The following GRID2 variants were observed in gnomAD, a reference collection of about 807,000 sequenced individuals.
GRID2 encodes the protein glutamate ionotropic receptor delta type subunit 2, also known as glutamate receptor ionotropic, delta-2.
In GRID2, 33 loss-of-function variants were observed where a neutral mutation model predicts 114.8. That is an observed-to-expected ratio of 0.29 (90% CI 0.22 to 0.38). The LOEUF (loss-of-function observed/expected upper bound fraction) is 0.38. Ranked by LOEUF, GRID2 falls within the 10% of genes least tolerant of loss-of-function variation. The pLI, the probability that GRID2 is intolerant of heterozygous loss-of-function variation, is 1.00. For synonymous variants in GRID2, 505 were observed against 449.9 expected, an observed-to-expected ratio of 1.12 and a Z score of -1.55; for missense variants, 1,184 against 1,257.7, an observed-to-expected ratio of 0.94 and a Z score of 0.89.
chr4:92,469,252 G>C (rs567124088), intron 1 of GRID2, among the ~76,000 whole-genome samples: 1 of 151,848 alleles, frequency 6.6e-6, no homozygotes, highest in Non-Finnish European at 1.5e-5. Flanking sequence ...TTTGTTTTTC[G>C]TTAAAAGATA....
At chr4:92,870,211 CA>C (rs563556616) in intron 2 of GRID2, among the ~76,000 whole-genome samples, 118 of 150,514 alleles carry the variant, frequency 7.8e-4, no homozygotes, top group Middle Eastern at 3.4e-3. Context: ...TAAAAAAGAA[CA>C]AAAAAACCAT....
chr4:93,000,914 CAA>C (rs1408486035), intron 2 of GRID2, among the ~76,000 whole-genome samples: 3 of 150,930 alleles, frequency 2.0e-5, no homozygotes, highest in Admixed American at 6.6e-5. Context: ...ACCCATGTAA[CAA>C]ACCATGTAAC....
chr4:92,519,054 G>A (rs1245066855), intron 1 of GRID2, among the ~76,000 whole-genome samples: 1 of 151,816 alleles, frequency 6.6e-6, no homozygotes, highest in Non-Finnish European at 1.5e-5. Context: ...AACTATGATA[G>A]TATGTCATAG....
intron 4 of GRID2, among the ~76,000 whole-genome samples, chr4:93,178,410 T>TTC (rs1491139901): frequency 2.2e-5 from 3 of 135,118 alleles, no homozygotes; most frequent in African/African-American, 9.7e-5. Flanking sequence ...TTTTTTTTTT[T>TTC]CCAGAGAGAG....
At chr4:93,437,274 G>C (rs895443982) in intron 10 of GRID2, among the ~76,000 whole-genome samples, 1 of 152,094 alleles carries the variant, frequency 6.6e-6, no homozygotes, top group African/African-American at 2.4e-5. Flanking sequence ...ACAGAGAGAG[G>C]TGAAGTAACT....
At chr4:93,251,697 C>T (rs887829777) in intron 8 of GRID2, among the ~76,000 whole-genome samples, 2 of 152,062 alleles carry the variant, frequency 1.3e-5, no homozygotes, top group Non-Finnish European at 2.9e-5. Context: ...CAGTATGTGT[C>T]GTTCCCCTCT....
chr4:92,371,919 C>T (rs2110219740), intron 1 of GRID2, among the ~76,000 whole-genome samples: 1 of 152,184 alleles, frequency 6.6e-6, no homozygotes, highest in East Asian at 1.9e-4. Flanking sequence ...ATCAAAATAT[C>T]CACATTAACA....
At chr4:92,802,808 T>C (rs1314637185) in intron 2 of GRID2, among the ~76,000 whole-genome samples, 2 of 151,978 alleles carry the variant, frequency 1.3e-5, no homozygotes. Flanking sequence ...GATATGTTGC[T>C]GATTGTGTTA....
intron 2 of GRID2, among the ~76,000 whole-genome samples, chr4:92,914,537 ATTAG>A (rs1560694973): frequency 6.6e-6 from 1 of 152,104 alleles, no homozygotes; most frequent in Non-Finnish European, 1.5e-5. Context: ...CCTAGTAATC[ATTAG>A]TTACTTTTCC....
chr4:93,127,658 A>G (rs1221020473), intron 4 of GRID2, among the ~76,000 whole-genome samples: 1 of 152,118 alleles, frequency 6.6e-6, no homozygotes, highest in Non-Finnish European at 1.5e-5. Context: ...AAGTAGTTTC[A>G]GGTCACACAG....
intron 4 of GRID2, among the ~76,000 whole-genome samples, chr4:93,163,307 CAGTA>C (rs1397454099): frequency 7.1e-6 from 1 of 141,288 alleles, no homozygotes; most frequent in Non-Finnish European, 1.5e-5. Flanking sequence ...TATCTCAAGA[CAGTA>C]AGATTATAAA....
intron 1 of GRID2, among the ~76,000 whole-genome samples, chr4:92,368,016 G>A (rs757291165): frequency 5.3e-5 from 8 of 152,196 alleles, no homozygotes; most frequent in South Asian, 2.1e-4. Context: ...AGAAAGAAGC[G>A]ATAGTAGCCT....
chr4:93,774,921 A>T (rs1041488751), downstream of GRID2, among the ~76,000 whole-genome samples: 2 of 152,152 alleles, frequency 1.3e-5, no homozygotes, highest in Non-Finnish European at 2.9e-5. Flanking sequence ...AATAAGAAAG[A>T]CAAGAAAATT....
chr4:92,578,387 C>A (rs888487989), intron 1 of GRID2, among the ~76,000 whole-genome samples: 7 of 148,150 alleles, frequency 4.7e-5, no homozygotes, highest in African/African-American at 1.7e-4. Flanking sequence ...TTTGTCCTTG[C>A]GATAGTTTAC....
chr4:92,535,886 T>C (rs1312005574), intron 1 of GRID2, among the ~76,000 whole-genome samples: 1 of 152,144 alleles, frequency 6.6e-6, no homozygotes, highest in African/African-American at 2.4e-5. Flanking sequence ...TGGTGAGCGT[T>C]ACAGCTCATA....
At chr4:92,466,048 T>G (rs1721736215) in intron 1 of GRID2, among the ~76,000 whole-genome samples, 1 of 151,762 alleles carries the variant, frequency 6.6e-6, no homozygotes, top group South Asian at 2.1e-4. Flanking sequence ...TACATACCAA[T>G]GTTTATATTT....
At chr4:93,551,753 A>T (rs1367478809) in intron 13 of GRID2, among the ~76,000 whole-genome samples, 2 of 152,230 alleles carry the variant, frequency 1.3e-5, no homozygotes, top group African/African-American at 4.8e-5. Flanking sequence ...AATAATGGCC[A>T]AAACTGCAAT....
intron 13 of GRID2, among the ~76,000 whole-genome samples, chr4:93,552,369 T>C (rs1484906483): frequency 2.0e-5 from 3 of 152,058 alleles, no homozygotes; most frequent in Admixed American, 2.0e-4. Flanking sequence ...TAGCAGCATG[T>C]TTTATAATCC....
intron 14 of GRID2, among the ~76,000 whole-genome samples, chr4:93,663,027 C>T (rs910432549): frequency 6.6e-6 from 1 of 152,166 alleles, no homozygotes; most frequent in Non-Finnish European, 1.5e-5. Flanking sequence ...ACTCATTGTG[C>T]TTCCTCATAT....
Sources: gnomAD v4.1 joint callset for allele counts (sites outside exome capture counted in the v4.1 genomes callset) on GRCh38, gnomAD v4.1.1 for gene constraint, MANE v1.5 for transcripts, NCBI Gene and HGNC (gene_info 2026-07-23, HGNC 2026-07-21) for gene names.